Variants in LRP5 observed in about 807,000 individuals in gnomAD.
LRP5 encodes the protein low-density lipoprotein receptor-related protein 5.
In LRP5, 62 loss-of-function variants were observed where a neutral mutation model predicts 154.1. The ratio of observed to expected loss-of-function variants is 0.40; its 90% CI spans 0.33 to 0.50. LRP5 has a LOEUF of 0.50. Ranked by LOEUF, LRP5 falls within the 20% of genes least tolerant of loss-of-function variation. The pLI is 0.55. For missense variants in LRP5, 1,915 were observed against 2,336.7 expected (o/e 0.82, Z 3.72); for synonymous variants, 966 against 1,011.5 (o/e 0.96, Z 0.85).
chr11:68,357,023 C>G (rs1190636026), intron 2 of LRP5, among the ~76,000 whole-genome samples: 1 of 151,952 alleles, frequency 6.6e-6, no homozygotes, highest in East Asian at 1.9e-4. Flanking sequence ...GCAACCTCCC[C>G]CTCCCGGGTT....
At chr11:68,420,351 C>T (rs2098664884) in intron 13 of LRP5, among the ~76,000 whole-genome samples, 1 of 152,132 alleles carries the variant, frequency 6.6e-6, no homozygotes. Flanking sequence ...ATGGTGTCCT[C>T]AAGGTTCATC....
rs1223213972 is a variant in LRP5, at chr11:68,425,967, G to A, written c.3428-11G>A. 11 of 1,607,816 alleles carry A rather than the reference G, an allele frequency of 6.8e-6. No individual in the cohort carries two copies. Among genetic ancestry groups the A allele is most frequent in the Middle Eastern group, 1.7e-4 (1 of 6,058 alleles). On this transcript the variant is annotated splice_polypyrimidine_tract_variant and intron_variant, in intron 15 of 22. Transcript: ENST00000294304. Reference sequence around the variant, plus strand: ...CAGCACTGCTCAGGGGGGCCCACGGGCTGCTTGCAGGGGCCAACCGCCTGA... The same window carrying A: ...CAGCACTGCTCAGGGGGGCCCACGGACTGCTTGCAGGGGCCAACCGCCTGA...
chr11:68,416,190 T>C (rs1240531394), intron 12 of LRP5, 138 bp from the exon 13 acceptor site: 3 of 737,912 alleles, frequency 4.1e-6, no homozygotes, highest in Non-Finnish European at 7.3e-6. Flanking sequence ...GAGACAGCCC[T>C]GGTCCCCCCG....
chr11:68,372,413 GACCC>G (rs2098634648), intron 5 of LRP5, among the ~76,000 whole-genome samples: 1 of 147,056 alleles, frequency 6.8e-6, no homozygotes, highest in African/African-American at 2.5e-5. Context: ...GTGTCAGGCA[GACCC>G]GGGACCGTGG....
intron 22 of LRP5, among the ~76,000 whole-genome samples, chr11:68,448,431 C>G (rs529539851): frequency 6.6e-6 from 1 of 152,382 alleles, no homozygotes; most frequent in Non-Finnish European, 1.5e-5. Flanking sequence ...GTATCCTTCA[C>G]TTTCGAAATG....
rs1057223939 is a variant in LRP5, at chr11:68,353,110, G to A, written c.489-4540G>A. On this transcript the variant is annotated intron_variant, in intron 2 of 22. Coordinates refer to ENST00000294304, the MANE Select transcript of LRP5 (RefSeq NM_002335.4). The surrounding 1 kb of genome is among the most constrained non-coding windows in gnomAD (Gnocchi z 4.5). ...CTGGCTTTGCCTGCATCATCTCTGCGAGCCAACTGTCCCTGTTTGGCTCTG... is the reference window on the plus strand; with the variant it reads ...CTGGCTTTGCCTGCATCATCTCTGCAAGCCAACTGTCCCTGTTTGGCTCTG... Among the ~76,000 whole-genome samples the A allele has an allele frequency of 6.6e-5, 10 of 152,122 alleles. No individual in the cohort carries two copies. The highest frequency in any genetic ancestry group is 1.9e-4 in the African/African-American group (8 of 41,406).
intron 8 of LRP5, among the ~76,000 whole-genome samples, chr11:68,405,469 C>CAAAAA (rs772035158): frequency 3.6e-5 from 2 of 55,854 alleles, no homozygotes; most frequent in African/African-American, 6.6e-5. Flanking sequence ...GACCCTGTCT[C>CAAAAA]AAAAAAAAAA....
the LRP5 span, among the ~76,000 whole-genome samples, chr11:68,304,462 A>AT: frequency 4.6e-5 from 7 of 152,222 alleles, no homozygotes; most frequent in African/African-American, 7.2e-5. Flanking sequence ...TTCCCATTGG[A>AT]GGGGAAATGT....
rs1197169952 is a variant in LRP5, at chr11:68,433,751, T to C, written c.3913T>C (p.Cys1305Arg). Residue 1305 changes from cysteine to arginine, a missense_variant, in exon 18 of 23, where the codon TGC becomes CGC. Around this residue, in one of 3 missense-constraint regions of LRP5, gnomAD observed 1,094 missense variants for 1,210.1 expected, o/e 0.90. Coordinates refer to ENST00000294304, the MANE Select transcript of LRP5 (RefSeq NM_002335.4). ...CPVCSAAQFPCARGQCVDLRL... is the reference protein window; with the variant it reads ...CPVCSAAQFPRARGQCVDLRL... The stretch of plus-strand genomic sequence containing the variant: ...CGTGTGCTCCGCCGCCCAGTTCCCC[T>C]GCGCGCGGGGTCAGTGTGTGGACCT... 3 of 1,612,756 alleles carry C rather than the reference T, an allele frequency of 1.9e-6. No individual in the cohort carries two copies. The highest frequency in any genetic ancestry group is 2.2e-5 in the East Asian group (1 of 44,876).
At chr11:68,421,299 C>A (rs1345518898) in intron 13 of LRP5, among the ~76,000 whole-genome samples, 1 of 152,122 alleles carries the variant, frequency 6.6e-6, no homozygotes, top group African/African-American at 2.4e-5. Context: ...AACTGGCCAG[C>A]CGCGTAAAGT....
chr11:68,408,199 C>T (rs559253559), intron 9 of LRP5, among the ~76,000 whole-genome samples: 2 of 151,824 alleles, frequency 1.3e-5, no homozygotes, highest in South Asian at 4.2e-4. Context: ...TCTCAGCCTC[C>T]CTAGTAGCTG....
intron 7 of LRP5, 35 bp from the exon 8 acceptor site, chr11:68,403,447 TG>T (rs754329630): frequency 6.3e-7 from 1 of 1,595,286 alleles, no homozygotes; most frequent in Admixed American, 1.7e-5. Context: ...GGTGTGGCCC[TG>T]GCCCATCCAG....
At position 68,406,534 on chromosome 11, in the gene LRP5, G is replaced by C; in HGVS notation, c.1812G>C (p.Pro604=). The part of the protein sequence containing the change: ...VNVAKVVGTN[P]CADRNGGCSH... ...TGTGTTCGCTTCCAGGAACCAACCC[G>C]TGTGCGGACAGGAACGGGGGGTGCA... Residue 604 remains proline, a synonymous_variant, in exon 9 of 23, where the codon CCG becomes CCC. Transcript: ENST00000294304. 6.2e-7 allele frequency: 1 copy of C among 1,614,122 alleles called. No homozygotes were observed. Among genetic ancestry groups the C allele is most frequent in the Non-Finnish European group, 8.5e-7 (1 of 1,180,036 alleles).
At chr11:68,439,666 C>T in intron 20 of LRP5, 111 bp from the exon 21 acceptor site, 1 of 1,189,670 alleles carries the variant, frequency 8.4e-7, no homozygotes, top group Non-Finnish European at 1.2e-6. Flanking sequence ...GGACACACCG[C>T]CCTGGTCTGA....
the LRP5 span, among the ~76,000 whole-genome samples, chr11:68,307,445 G>T: frequency 9.2e-5 from 14 of 152,170 alleles, no homozygotes; most frequent in Non-Finnish European, 1.5e-4. Flanking sequence ...AAGGTAGATT[G>T]CTTAAGCCCT....
chr11:68,398,837 C>T (rs1008382038), intron 7 of LRP5, among the ~76,000 whole-genome samples: 10 of 152,070 alleles, frequency 6.6e-5, no homozygotes, highest in African/African-American at 1.7e-4. Flanking sequence ...CAGGCTCAAG[C>T]GATCCTCCTG....
At chr11:68,374,608 A>AT (rs2153145794) in intron 5 of LRP5, among the ~76,000 whole-genome samples, 1 of 152,310 alleles carries the variant, frequency 6.6e-6, no homozygotes, top group East Asian at 1.9e-4. Context: ...ATATGTCTGC[A>AT]TAACTACCAC....
chr11:68,400,852 T>G (rs1300092213), intron 7 of LRP5, among the ~76,000 whole-genome samples: 1 of 152,206 alleles, frequency 6.6e-6, no homozygotes, highest in African/African-American at 2.4e-5. Flanking sequence ...CACAGGAGTT[T>G]GAGACCAGCC....
intron 20 of LRP5, among the ~76,000 whole-genome samples, chr11:68,438,970 A>G (rs1375697086): frequency 2.0e-5 from 3 of 152,192 alleles, no homozygotes; most frequent in Non-Finnish European, 4.4e-5. Context: ...TGTGTTGTCC[A>G]CAAATCCTCA....
Sources: gnomAD v4.1 joint callset for allele counts (sites outside exome capture counted in the v4.1 genomes callset) on GRCh38, gnomAD v4.1.1 for gene constraint, gnomAD v4.1.1 regional missense constraint, Gnocchi (gnomAD v3.1) non-coding constraint, MANE v1.5 for transcripts, NCBI Gene and HGNC (gene_info 2026-07-23, HGNC 2026-07-21) for gene names.